Variants in ERC1 observed in about 807,000 individuals in gnomAD.
ERC1 encodes RAB6 interacting protein 2.
ERC1 carries 56 observed loss-of-function variants against 132.0 expected under a neutral mutation model. The observed-to-expected ratio is 0.42, with a 90% confidence interval of 0.34 to 0.53. The LOEUF (loss-of-function observed/expected upper bound fraction) is 0.53, where lower values mean the gene tolerates loss of function less well. Ranked by LOEUF, ERC1 falls within the 20% of genes least tolerant of loss-of-function variation. The pLI, the probability that ERC1 is intolerant of heterozygous loss-of-function variation, is 0.03. For missense variants in ERC1, 1,202 were observed against 1,349.9 expected (o/e 0.89, Z 1.72); for synonymous variants, 478 against 476.1 (o/e 1.00, Z -0.05).
At chr12:1,014,616 A>T (rs1049304346) in intron 1 of ERC1, among the ~76,000 whole-genome samples, 1 of 152,220 alleles carries the variant, frequency 6.6e-6, no homozygotes, top group African/African-American at 2.4e-5. Flanking sequence ...TGTATATACA[A>T]ACATACGTGT....
At chr12:996,896 T>G (rs928499591) in intron 1 of ERC1, among the ~76,000 whole-genome samples, 2 of 152,166 alleles carry the variant, frequency 1.3e-5, no homozygotes, top group African/African-American at 2.4e-5. Flanking sequence ...ACATTTTATC[T>G]TCCACTCTGA....
intron 16 of ERC1, among the ~76,000 whole-genome samples, chr12:1,377,891 A>C (rs1422921602): frequency 6.6e-6 from 1 of 151,970 alleles, no homozygotes; most frequent in Non-Finnish European, 1.5e-5. Context: ...GGTTCAGTAA[A>C]CTCTCTTTGT....
In ERC1 at chr12:1,192,174, T is replaced by G. The variant is rs562613192; in HGVS notation, c.2351+2122T>G. Among the ~76,000 whole-genome samples the G allele has an allele frequency of 3.2e-4, 49 of 152,350 alleles. 1 individual carries two copies. The South Asian group carries it at 9.7e-3, about 30-fold the overall frequency. On this transcript the variant is annotated intron_variant, in intron 12 of 18. Coordinates refer to ENST00000360905, the MANE Select transcript of ERC1 (RefSeq NM_178040.4). Reference sequence around the variant, plus strand: ...GAAGACTCCTTACCCTTAGGTGATTTATTCTTTTACCCCATTTGGACCCAA... The same window carrying G: ...GAAGACTCCTTACCCTTAGGTGATTGATTCTTTTACCCCATTTGGACCCAA...
chr12:1,100,656 A>T lies in ERC1; in HGVS notation c.1087-4094A>T, dbSNP rs539260024. Among the ~76,000 whole-genome samples the T allele has an allele frequency of 2.3e-3, 351 of 152,328 alleles. 1 individual carries two copies. The highest frequency in any genetic ancestry group is 3.9e-3 in the Non-Finnish European group (263 of 68,018). ...AGACTCCTATGTTTTTGGCTTGAAC[A>T]ACTGGCTGGATGCATACCATGAATC... On this transcript the variant is annotated intron_variant, in intron 3 of 18. Coordinates refer to ENST00000360905, the MANE Select transcript of ERC1 (RefSeq NM_178040.4).
In ERC1 at chr12:1,491,133, G is replaced by A. The variant is rs73601993; in HGVS notation, c.*903G>A. Reference sequence around the variant, plus strand: ...TGACATATGAGACCCTGTTGTCCCCGCCTGCAGCTTTGCCCCAGTAACAGA... The same window carrying A: ...TGACATATGAGACCCTGTTGTCCCCACCTGCAGCTTTGCCCCAGTAACAGA... On this transcript the variant is annotated 3_prime_UTR_variant, in exon 19 of 19. Coordinates refer to ENST00000360905, the MANE Select transcript of ERC1 (RefSeq NM_178040.4). The A allele has an allele frequency of 0.011, 2,598 of 232,366 alleles. 63 individuals carry two copies. The highest frequency in any genetic ancestry group is 0.053 in the African/African-American group (2,403 of 45,358). 14.4% of individuals were successfully genotyped at this position (232,366 alleles called of 1,614,324 possible).
chr12:1,319,581 G>T (rs2081982253), intron 15 of ERC1, among the ~76,000 whole-genome samples: 1 of 152,094 alleles, frequency 6.6e-6, no homozygotes, highest in Admixed American at 6.5e-5. Context: ...TGCATAGCTG[G>T]TCAGTCCCAT....
intron 13 of ERC1, 75 bp downstream of exon 13, chr12:1,236,979 A>G: frequency 1.3e-6 from 2 of 1,534,136 alleles, no homozygotes; most frequent in Non-Finnish European, 8.9e-7. Context: ...TTTTCTCTTC[A>G]TCTTTATCCT....
intron 17 of ERC1, among the ~76,000 whole-genome samples, chr12:1,421,898 T>C (rs996555346): frequency 6.6e-6 from 1 of 150,710 alleles, no homozygotes; most frequent in African/African-American, 2.4e-5. Context: ...TGGTGGTGCG[T>C]GCCTGTAGTC....
At chr12:1,179,124 C>T (rs893456238) in intron 8 of ERC1, among the ~76,000 whole-genome samples, 6 of 151,896 alleles carry the variant, frequency 4.0e-5, no homozygotes, top group South Asian at 2.1e-4. Flanking sequence ...GATAACATGC[C>T]GCTTGCTGTA....
Position 1,329,329 on chromosome 12 carries a change from GT to G in ERC1, c.2780+39327del, listed in dbSNP as rs1192432888. Among the ~76,000 whole-genome samples the G allele has an allele frequency of 8.0e-4, 107 of 134,376 alleles. 2 individuals are homozygous for G. The highest frequency in any genetic ancestry group is 7.8e-3 in the Middle Eastern group (2 of 258). The allele number at this position is 134,376 out of a possible 152,430, so 88.2% of individuals were successfully genotyped here. A position where few individuals can be genotyped will look rare whatever the true frequency, so the allele number is the denominator to read the frequency against. ...AAAAGAAAGAAAAGTCTTAGAAAAGGTTTTTTTTTTCTAAATTTTTCAATAT... is the reference window on the plus strand; with the variant it reads ...AAAAGAAAGAAAAGTCTTAGAAAAGGTTTTTTTTTCTAAATTTTTCAATAT... On this transcript the variant is annotated intron_variant, in intron 15 of 18. Coordinates refer to ENST00000360905, the MANE Select transcript of ERC1 (RefSeq NM_178040.4).
At chr12:1,376,026 G>A (rs147851710) in intron 16 of ERC1, among the ~76,000 whole-genome samples, 43 of 152,168 alleles carry the variant, frequency 2.8e-4, no homozygotes, top group Admixed American at 4.6e-4. Context: ...GTGAGCCACC[G>A]TGCCCGGCCT....
intron 16 of ERC1, among the ~76,000 whole-genome samples, chr12:1,384,753 T>C (rs1330085960): frequency 2.6e-5 from 4 of 152,286 alleles, no homozygotes; most frequent in South Asian, 2.1e-4. Flanking sequence ...ACTAAAACAG[T>C]ATTTGTGGTA....
At chr12:1,254,386 C>T (rs956717302) in intron 13 of ERC1, among the ~76,000 whole-genome samples, 2 of 152,264 alleles carry the variant, frequency 1.3e-5, no homozygotes, top group Admixed American at 1.3e-4. Flanking sequence ...ATGCTTTTTT[C>T]TAATTAGTGA....
intron 8 of ERC1, among the ~76,000 whole-genome samples, chr12:1,177,395 A>G (rs1017705716): frequency 6.6e-6 from 1 of 152,080 alleles, no homozygotes; most frequent in Non-Finnish European, 1.5e-5. Flanking sequence ...TGACTTAATC[A>G]TTTCTAAATT....
chr12:1,151,149 G>A lies in ERC1; in HGVS notation c.1737+9362G>A, dbSNP rs113883139. 1.2e-3 allele frequency among the ~76,000 whole-genome samples: 188 copies of A among 152,280 alleles called. 1 individual carries two copies. Among genetic ancestry groups the A allele is most frequent in the African/African-American group, 3.9e-3 (164 of 41,552 alleles). On this transcript the variant is annotated intron_variant, in intron 8 of 18. Transcript: ENST00000360905. The stretch of plus-strand genomic sequence containing the variant: ...AATTCAAATTTGGCAGTGTATTAGG[G>A]TTAAGAATAATAAAGTAACAGTGAT...
chr12:1,487,858 G>A (rs111309813), intron 18 of ERC1, among the ~76,000 whole-genome samples: 15 of 152,000 alleles, frequency 9.9e-5, no homozygotes, highest in Non-Finnish European at 2.1e-4. Context: ...AGAGAAAAAG[G>A]CCAGGCGCGG....
intron 7 of ERC1, among the ~76,000 whole-genome samples, chr12:1,125,903 A>G (rs1948111646): frequency 6.6e-6 from 1 of 152,230 alleles, no homozygotes; most frequent in Admixed American, 6.5e-5. Flanking sequence ...AAAAAGACAA[A>G]TACTACATAT....
In ERC1 at chr12:1,444,693, C is replaced by T. The variant is rs2093254445; in HGVS notation, c.3156C>T (p.Asn1052=). The T allele has an allele frequency of 6.2e-7, 1 of 1,614,078 alleles. No individual in the cohort carries two copies. Among genetic ancestry groups the T allele is most frequent in the Non-Finnish European group, 8.5e-7 (1 of 1,180,040 alleles). Reference sequence around the variant, plus strand: ...GACTCACTCCACCAGCTTCCTATAACTTGGACGATGACCAGGCGGCTTGGG... The same window carrying T: ...GACTCACTCCACCAGCTTCCTATAATTTGGACGATGACCAGGCGGCTTGGG... ...LRGLTPPASY[N]LDDDQAAWEN... Residue 1052 remains asparagine (N), a synonymous_variant, in exon 18 of 19, where the codon AAC becomes AAT. Transcript: ENST00000360905.
intron 12 of ERC1, among the ~76,000 whole-genome samples, chr12:1,219,163 A>G (rs1381230983): frequency 6.6e-6 from 1 of 152,088 alleles, no homozygotes; most frequent in Non-Finnish European, 1.5e-5. Flanking sequence ...ATGAGCCACC[A>G]TGCCTGGCCT....
Sources: gnomAD v4.1 joint callset for allele counts (sites outside exome capture counted in the v4.1 genomes callset) on GRCh38, gnomAD v4.1.1 for gene constraint, MANE v1.5 for transcripts, NCBI Gene and HGNC (gene_info 2026-07-23, HGNC 2026-07-21) for gene names.